Variants in TXK observed in about 807,000 individuals in gnomAD.
The protein encoded by TXK is tyrosine-protein kinase TXK.
In TXK, 60 loss-of-function variants were observed where a neutral mutation model predicts 81.0. That is an observed-to-expected ratio of 0.74 (90% CI 0.60 to 0.92). The LOEUF (loss-of-function observed/expected upper bound fraction) is 0.92, where lower values mean the gene tolerates loss of function less well. Ranked by LOEUF, TXK falls within the 40% of genes least tolerant of loss-of-function variation. The probability of loss-of-function intolerance (pLI) is 0.00; values close to 1 mark genes in which losing one functional copy is unlikely to be tolerated. For synonymous variants in TXK, 203 were observed against 210.7 expected (o/e 0.96, Z 0.32); for missense variants, 581 against 638.3 (o/e 0.91, Z 0.97).
At chr4:48,127,283 G>GGCATC (rs1719114277) in intron 1 of TXK, among the ~76,000 whole-genome samples, 2 of 152,240 alleles carry the variant, frequency 1.3e-5, no homozygotes, top group African/African-American at 4.8e-5. Flanking sequence ...TTATTTACAG[G>GGCATC]TTGAAGTGTT....
Position 48,080,002 on chromosome 4 carries a change from C to A in TXK, c.1083G>T (p.Lys361Asn). The stretch of plus-strand genomic sequence containing the variant: ...CACTCAGTAGCATTTCCTTCCTAAG[C>A]TTTCCTTTATTCTCCCTGAGATAGT... ...LLNYLRENKG[K>N]LRKEMLLSVC... Residue 361 changes from lysine to asparagine, a missense_variant, in exon 11 of 15, where the codon AAG (lysine) becomes AAT (asparagine). Physicochemically the swap from Lys to Asn is moderately conservative, Grantham distance 94. Coordinates refer to ENST00000264316, the MANE Select transcript of TXK (RefSeq NM_003328.3). The A allele has an allele frequency of 6.2e-7, 1 of 1,614,080 alleles. No homozygotes were observed. The highest frequency in any genetic ancestry group is 8.5e-7 in the Non-Finnish European group (1 of 1,179,992).
intron 1 of TXK, among the ~76,000 whole-genome samples, chr4:48,125,479 T>G (rs1387303785): frequency 2.6e-5 from 4 of 152,236 alleles, no homozygotes; most frequent in Non-Finnish European, 5.9e-5. Context: ...TCCTCTCTTC[T>G]GAGCCAACTT....
At chr4:48,105,649 A>T (rs2109459066) in intron 5 of TXK, among the ~76,000 whole-genome samples, 1 of 152,290 alleles carries the variant, frequency 6.6e-6, no homozygotes, top group East Asian at 1.9e-4. Context: ...CTGTTGATAA[A>T]AAAAAACTTG....
intron 5 of TXK, among the ~76,000 whole-genome samples, chr4:48,108,801 A>G (rs891501070): frequency 2.0e-5 from 3 of 152,234 alleles, no homozygotes; most frequent in Admixed American, 6.5e-5. Context: ...CAGATGATCC[A>G]ACATCCACAG....
intron 5 of TXK, 130 bp downstream of exon 5, chr4:48,110,408 C>G (rs184277855): frequency 1.5e-6 from 1 of 651,454 alleles, no homozygotes; most frequent in Non-Finnish European, 2.7e-6. Flanking sequence ...AAGGATCAAA[C>G]GTCTCTTTAT....
At chr4:48,106,240 T>C (rs1718454384) in intron 5 of TXK, 1 of 152,210 alleles carries the variant, frequency 6.6e-6, no homozygotes, top group Non-Finnish European at 1.5e-5. Flanking sequence ...TATTGCCAGA[T>C]AGAAGTATGT....
rs774658130 is a variant in TXK, at chr4:48,067,710, A to C, written c.1516-5T>G. ...TGTAGGGCGGCCTTCAGGTTTCTGG[A>C]AAAGGGAAGTGGGGGTGGTTAGCTC... On this transcript the variant is annotated splice_polypyrimidine_tract_variant and splice_region_variant and intron_variant, in intron 14 of 14. Transcript: ENST00000264316. 2 of 1,613,636 alleles carry C rather than the reference A, an allele frequency of 1.2e-6. No homozygotes were observed. The highest frequency in any genetic ancestry group is 1.7e-6 in the Non-Finnish European group (2 of 1,179,702).
At position 48,112,528 on chromosome 4, in the gene TXK, A is replaced by C; in HGVS notation, c.175-16T>G. 6.3e-7 allele frequency: 1 copy of C among 1,587,094 alleles called. No homozygotes were observed. Among genetic ancestry groups the C allele is most frequent in the Non-Finnish European group, 8.6e-7 (1 of 1,168,506 alleles). ...CCGTGTTGGACTGTGAAAACCAATA[A>C]GTGAGTTGTTTTACTATCATTTTAA... On this transcript the variant is annotated splice_polypyrimidine_tract_variant and intron_variant, in intron 3 of 14. Coordinates refer to ENST00000264316, the MANE Select transcript of TXK (RefSeq NM_003328.3).
intron 6 of TXK, among the ~76,000 whole-genome samples, chr4:48,103,379 T>C (rs962648204): frequency 2.0e-5 from 3 of 152,216 alleles, no homozygotes; most frequent in Admixed American, 6.5e-5. Context: ...GAAAATAGCA[T>C]ATTTTCTGCC....
intron 14 of TXK, among the ~76,000 whole-genome samples, chr4:48,070,947 G>A (rs898228837): frequency 3.6e-5 from 5 of 137,514 alleles, no homozygotes; most frequent in African/African-American, 1.4e-4. Flanking sequence ...CGCCCAGGCT[G>A]GAGTGCAGTG....
chr4:48,103,205 A>C (rs1235240527), intron 6 of TXK, among the ~76,000 whole-genome samples: 2 of 152,206 alleles, frequency 1.3e-5, no homozygotes, highest in East Asian at 3.8e-4. Flanking sequence ...GAATCTGCAC[A>C]GCCCAGTGAT....
intron 1 of TXK, among the ~76,000 whole-genome samples, chr4:48,118,235 A>G (rs974705564): frequency 6.6e-6 from 1 of 152,174 alleles, no homozygotes; most frequent in African/African-American, 2.4e-5. Flanking sequence ...GCTACCTCTG[A>G]ATGAGGCTAT....
intron 8 of TXK, among the ~76,000 whole-genome samples, chr4:48,092,205 C>G (rs1192152700): frequency 1.3e-5 from 2 of 152,088 alleles, no homozygotes. Flanking sequence ...GTCTACCAGA[C>G]AGAAGATTAT....
At position 48,097,149 on chromosome 4, in the gene TXK, T is replaced by C. The variant is rs1002237589; in HGVS notation, c.502-1927A>G. Among the ~76,000 whole-genome samples, 8 of 152,198 alleles carry C rather than the reference T, an allele frequency of 5.3e-5. No homozygotes were observed. The South Asian group carries it at 1.2e-3, about 24-fold the overall frequency. ...ACTAGTAAATTCAAAATCTGGTTGC[T>C]TAGGGAAAAATAATAGATAAACTGC... is the stretch of plus-strand genomic sequence containing the variant. On this transcript the variant is annotated intron_variant, in intron 6 of 14. Coordinates refer to ENST00000264316, the MANE Select transcript of TXK (RefSeq NM_003328.3).
At chr4:48,122,575 T>C (rs1718987765) in intron 1 of TXK, among the ~76,000 whole-genome samples, 1 of 152,258 alleles carries the variant, frequency 6.6e-6, no homozygotes, top group Non-Finnish European at 1.5e-5. Context: ...TTTACCTTTT[T>C]TTCTTTGCTG....
chr4:48,094,191 C>T lies in TXK; in HGVS notation c.595G>A (p.Ala199Thr). Residue 199 changes from alanine (A) to threonine (T), a missense_variant, in exon 8 of 15, where the codon GCC (alanine) becomes ACC (threonine). By Grantham distance (58) the Ala-to-Thr change is moderately conservative (BLOSUM62 0). Coordinates refer to ENST00000264316, the MANE Select transcript of TXK (RefSeq NM_003328.3). ...FMGARRSTEAAIKHYQIKKND... is the reference protein window; with the variant it reads ...FMGARRSTEATIKHYQIKKND... ...TTTTTTATCTGATAATGTTTTATGG[C>T]AGCCTCCGTACTTCTACAATCAAGA... 6.2e-7 allele frequency: 1 copy of T among 1,613,516 alleles called. No individual in the cohort carries two copies. Among genetic ancestry groups the T allele is most frequent in the South Asian group, 1.1e-5 (1 of 91,058 alleles).
intron 1 of TXK, among the ~76,000 whole-genome samples, chr4:48,116,034 G>A (rs909141142): frequency 1.3e-5 from 2 of 152,164 alleles, no homozygotes; most frequent in African/African-American, 4.8e-5. Flanking sequence ...CTAGTCACCT[G>A]GCTGACTACA....
rs765144811 is a variant in TXK at position 48,086,651 on chromosome 4, A to G, written c.785-14T>C. ...TCTCCCACTTTTCTGAAAAAGTAAA[A>G]CATCCATGTTACAAGTAGAAAGAAA... On this transcript the variant is annotated splice_polypyrimidine_tract_variant and intron_variant, in intron 9 of 14. Transcript: ENST00000264316. The G allele has an allele frequency of 6.2e-6, 10 of 1,611,018 alleles. No individual in the cohort carries two copies. In the African/African-American group the frequency reaches 9.4e-5, roughly 15 times the overall value.
chr4:48,069,256 T>C (rs1046265910), intron 14 of TXK, among the ~76,000 whole-genome samples: 1 of 152,172 alleles, frequency 6.6e-6, no homozygotes, highest in Non-Finnish European at 1.5e-5. Context: ...GAGATGTGAT[T>C]GTGCCACTGC....
Sources: gnomAD v4.1 joint callset for allele counts (sites outside exome capture counted in the v4.1 genomes callset) on GRCh38, gnomAD v4.1.1 for gene constraint, MANE v1.5 for transcripts, NCBI Gene and HGNC (gene_info 2026-07-23, HGNC 2026-07-21) for gene names.